CHD7: variants seen among roughly 807,000 people sequenced by gnomAD.
CHD7 encodes the protein ATP-dependent chromatin remodeler CHD7.
A neutral mutation model predicts 307.3 loss-of-function variants in CHD7; 24 were observed. That is an observed-to-expected ratio of 0.08 (90% confidence interval 0.06 to 0.11). The LOEUF (loss-of-function observed/expected upper bound fraction) is 0.11, where lower values mean the gene tolerates loss of function less well. CHD7 is among the 10% of genes least tolerant of loss of function. The probability of loss-of-function intolerance (pLI) is 1.00; values close to 1 mark genes in which losing one functional copy is unlikely to be tolerated. For missense variants in CHD7, 3,106 were observed against 3,727.1 expected, an observed-to-expected ratio of 0.83 and a Z score of 4.34; for synonymous variants, 1,363 against 1,349.9, an observed-to-expected ratio of 1.01 and a Z score of -0.21.
intron 21 of CHD7, among the ~76,000 whole-genome samples, chr8:60,844,398 C>T (rs1009044446): frequency 2.6e-5 from 4 of 152,296 alleles, no homozygotes; most frequent in African/African-American, 9.6e-5. Flanking sequence ...GTGGCATCCC[C>T]TTAGAGGTGG....
chr8:60,736,454 A>G (rs1414193261), intron 1 of CHD7, among the ~76,000 whole-genome samples: 6 of 152,118 alleles, frequency 3.9e-5, no homozygotes, highest in Non-Finnish European at 8.8e-5. Flanking sequence ...TGCAGCCTTG[A>G]TGATTGAGAG....
intron 1 of CHD7, among the ~76,000 whole-genome samples, chr8:60,729,779 T>C (rs866511687): frequency 6.6e-6 from 1 of 152,252 alleles, no homozygotes; most frequent in South Asian, 2.1e-4. Flanking sequence ...TCACTGCACT[T>C]ACTTTTTCTT....
In CHD7 at chr8:60,761,432, T is replaced by C. The variant is rs1810200170; in HGVS notation, c.1665+18335T>C. 2.6e-5 allele frequency among the ~76,000 whole-genome samples: 4 copies of C among 151,946 alleles called. 1 individual carries two copies. The highest frequency in any genetic ancestry group is 2.6e-4 in the Admixed American group (4 of 15,262). On this transcript the variant is annotated intron_variant, in intron 2 of 37. Transcript: ENST00000423902. ...GGGTGCAGCGCACCAGCATGGCACATGTATACATATGTAACTAACCTGCAC... is the reference window on the plus strand; with the variant it reads ...GGGTGCAGCGCACCAGCATGGCACACGTATACATATGTAACTAACCTGCAC...
intron 1 of CHD7, among the ~76,000 whole-genome samples, chr8:60,721,471 C>T (rs559145209): frequency 2.2e-4 from 33 of 152,314 alleles, no homozygotes; most frequent in Non-Finnish European, 3.8e-4. Flanking sequence ...TTAAGCCACC[C>T]AGGCTGTAGA....
intron 1 of CHD7, among the ~76,000 whole-genome samples, chr8:60,732,712 T>C (rs1479270513): frequency 6.6e-6 from 1 of 152,210 alleles, no homozygotes; most frequent in Non-Finnish European, 1.5e-5. Context: ...TTTTATAATA[T>C]TAAGCAAGAT....
Position 60,842,107 on chromosome 8 carries a change from C to G in CHD7, c.4850+55C>G. The G allele has an allele frequency of 2.1e-6, 3 of 1,401,366 alleles. No individual in the cohort carries two copies. The South Asian group carries it at 3.9e-5, about 18-fold the overall frequency. The allele number at this position is 1,401,366 out of a possible 1,614,324, so 86.8% of individuals were successfully genotyped here. A position where few individuals can be genotyped will look rare whatever the true frequency, so the allele number is the denominator to read the frequency against. ...TTTTATTGTAACAGTAGTTAGAATT[C>G]CCAACTGGTAGAGAAAAACTATATT... On this transcript the variant is annotated intron_variant, in intron 21 of 37. Coordinates refer to ENST00000423902, the MANE Select transcript of CHD7 (RefSeq NM_017780.4).
chr8:60,743,191 C>G (rs1376225003), intron 2 of CHD7, 94 bp downstream of exon 2: 1 of 1,094,294 alleles, frequency 9.1e-7, no homozygotes, highest in Non-Finnish European at 1.4e-6. Context: ...CTATGAAAAG[C>G]TTTTTCATTA....
At chr8:60,679,318 G>C (rs1445954180) in intron 1 of CHD7, among the ~76,000 whole-genome samples, 1 of 146,440 alleles carries the variant, frequency 6.8e-6, no homozygotes, top group East Asian at 2.0e-4. Flanking sequence ...CCCGCGCCCC[G>C]AGCGCCGCCC....
At chr8:60,736,274 T>C (rs559258139) in intron 1 of CHD7, among the ~76,000 whole-genome samples, 52 of 152,208 alleles carry the variant, frequency 3.4e-4, no homozygotes, top group African/African-American at 1.2e-3. Flanking sequence ...CCCAAGTGGC[T>C]GTTGGGGGCT....
At chr8:60,791,373 T>C (rs75662300) in intron 3 of CHD7, among the ~76,000 whole-genome samples, 2,889 of 152,332 alleles carry the variant, frequency 0.019, 79 homozygotes, top group African/African-American at 0.055. Context: ...TGAGTAGCCA[T>C]CACTGCAGCT....
In CHD7 at chr8:60,729,305, G is replaced by C. The variant is rs1372265989; in HGVS notation, c.-174-11954G>C. On this transcript the variant is annotated intron_variant, in intron 1 of 37. Transcript: ENST00000423902. ...AGTAGAAGAGTGAGATATGTGGTCT[G>C]TCAGAACATTTTTTGCCAAACCTTT... is the stretch of plus-strand genomic sequence containing the variant. 4.6e-5 allele frequency among the ~76,000 whole-genome samples: 7 copies of C among 152,286 alleles called. No individual in the cohort carries two copies. In the East Asian group the frequency reaches 1.4e-3, roughly 29 times the overall value.
At chr8:60,793,954 C>T (rs1475388455) in intron 3 of CHD7, among the ~76,000 whole-genome samples, 1 of 152,216 alleles carries the variant, frequency 6.6e-6, no homozygotes, top group East Asian at 1.9e-4. Flanking sequence ...GAAAGCCCGT[C>T]TCTACTAAAA....
chr8:60,683,055 G>A (rs549548249), intron 1 of CHD7, among the ~76,000 whole-genome samples: 5 of 152,086 alleles, frequency 3.3e-5, no homozygotes, highest in Non-Finnish European at 5.9e-5. Flanking sequence ...CAATTGTCTT[G>A]TTCACTCATG....
At chr8:60,746,414 G>C (rs1207388055) in intron 2 of CHD7, among the ~76,000 whole-genome samples, 2 of 152,138 alleles carry the variant, frequency 1.3e-5, no homozygotes, top group African/African-American at 2.4e-5. Flanking sequence ...CTCTCTCTCT[G>C]AATGATTGAC....
At chr8:60,730,881 A>T (rs1808418828) in intron 1 of CHD7, among the ~76,000 whole-genome samples, 1 of 152,142 alleles carries the variant, frequency 6.6e-6, no homozygotes, top group Non-Finnish European at 1.5e-5. Context: ...AGGAAATATT[A>T]AATGGAAAAT....
intron 1 of CHD7, among the ~76,000 whole-genome samples, chr8:60,720,164 C>T (rs1423889174): frequency 1.3e-5 from 2 of 152,136 alleles, no homozygotes; most frequent in Non-Finnish European, 2.9e-5. Context: ...TGACTGTGTC[C>T]TGTTCCATAT....
In CHD7 at chr8:60,863,726, ATCTTTTTTTT is replaced by A. The variant is rs1412964672; in HGVS notation, c.8076+1086_8076+1095del. The A allele has an allele frequency of 4.4e-3, 649 of 148,524 alleles. 1 individual carries two copies. The highest frequency in any genetic ancestry group is 0.015 in the African/African-American group (611 of 40,312). 9.2% of individuals were successfully genotyped at this position (148,524 alleles called of 1,614,324 possible). On this transcript the variant is annotated intron_variant, in intron 37 of 37. Transcript: ENST00000423902. ...TTTTATAATTTTTCTCCCATACAAT[ATCTTTTTTTT>A]TCTTTTTTTTTTTTTTTTTTGAGAC... is the stretch of plus-strand genomic sequence containing the variant.
chr8:60,866,068 T>G lies in CHD7; in HGVS notation c.*135T>G. 1.3e-6 allele frequency: 1 copy of G among 760,084 alleles called. No homozygotes were observed. Among genetic ancestry groups the G allele is most frequent in the Non-Finnish European group, 2.1e-6 (1 of 467,746 alleles). 47.1% of individuals were successfully genotyped at this position (760,084 alleles called of 1,614,324 possible). ...AGTGTAGCAAAAAAAAAAGTTCAAG[T>G]CATGTTATACAGGTGTGTCAAAAGG... is the stretch of plus-strand genomic sequence containing the variant. On this transcript the variant is annotated 3_prime_UTR_variant, in exon 38 of 38. Coordinates refer to ENST00000423902, the MANE Select transcript of CHD7 (RefSeq NM_017780.4).
At chr8:60,781,786 G>A (rs570964647) in intron 3 of CHD7, among the ~76,000 whole-genome samples, 1 of 152,174 alleles carries the variant, frequency 6.6e-6, no homozygotes, top group African/African-American at 2.4e-5. Flanking sequence ...TGGATAAGAA[G>A]GATTATAGAA....
Sources: gnomAD v4.1 joint callset for allele counts (sites outside exome capture counted in the v4.1 genomes callset) on GRCh38, gnomAD v4.1.1 for gene constraint, MANE v1.5 for transcripts, NCBI Gene and HGNC (gene_info 2026-07-23, HGNC 2026-07-21) for gene names.